The following VAV1 variants were observed in gnomAD, a reference collection of about 807,000 sequenced individuals.
VAV1 encodes vav guanine nucleotide exchange factor 1.
VAV1 carries 33 observed loss-of-function variants against 128.1 expected under a neutral mutation model. That is an observed-to-expected ratio of 0.26 (90% CI 0.20 to 0.34). VAV1 has a LOEUF of 0.34. Ranked by LOEUF, VAV1 falls within the 10% of genes least tolerant of loss-of-function variation. The pLI is 1.00. For synonymous variants in VAV1, 394 were observed against 409.8 expected, an observed-to-expected ratio of 0.96 and a Z score of 0.47; for missense variants, 715 against 1,093.7, an observed-to-expected ratio of 0.65 and a Z score of 4.88.
chr19:6,832,608 T>TTCCTCCTCCACCTCTTCTTCC (rs1972104962), intron 15 of VAV1, among the ~76,000 whole-genome samples: 1 of 93,142 alleles, frequency 1.1e-5, no homozygotes, highest in Non-Finnish European at 2.1e-5. Context: ...CTTCCTCCTA[T>TTCCTCCTCCACCTCTTCTTCC]TCCTCCTCCA....
chr19:6,834,063 G>A lies in VAV1; in HGVS notation c.1777+110G>A. 5.4e-6 allele frequency: 8 copies of A among 1,484,108 alleles called. 1 individual carries two copies. The South Asian group carries it at 8.1e-5, about 15-fold the overall frequency. 91.9% of individuals were successfully genotyped at this position (1,484,108 alleles called of 1,614,324 possible). ...TATTAACAGCCACATTGGGCCGGGT[G>A]CAATAGCTCACACCTGTAATCCCAA... On this transcript the variant is annotated intron_variant, in intron 19 of 26. Coordinates refer to ENST00000602142, the MANE Select transcript of VAV1 (RefSeq NM_005428.4).
At chr19:6,819,111 A>G (rs538367398) in intron 1 of VAV1, among the ~76,000 whole-genome samples, 2 of 152,212 alleles carry the variant, frequency 1.3e-5, no homozygotes, top group South Asian at 2.1e-4. Flanking sequence ...GTGAGACTCC[A>G]TCCCCCTCAA....
chr19:6,849,192 A>G (rs558168294), intron 23 of VAV1, among the ~76,000 whole-genome samples: 1 of 150,836 alleles, frequency 6.6e-6, no homozygotes, highest in Non-Finnish European at 1.5e-5. Context: ...AATGATCCCA[A>G]CACCCAGGGA....
rs1308200992 is a variant in VAV1 at position 6,850,628 on chromosome 19, C to A, written c.2130-42C>A. 1.0e-5 allele frequency: 16 copies of A among 1,595,360 alleles called. 2 individuals are homozygous for A. The Middle Eastern group carries it at 1.7e-3, about 166-fold the overall frequency. On this transcript the variant is annotated intron_variant, in intron 23 of 26. Coordinates refer to ENST00000602142, the MANE Select transcript of VAV1 (RefSeq NM_005428.4). ...TAACTGGGGCTTGGTGGGGAATGGG[C>A]CTGGTCCCCAGACTCAGGGCCCGGT...
intron 8 of VAV1, among the ~76,000 whole-genome samples, chr19:6,825,801 G>A (rs1253453264): frequency 6.6e-6 from 1 of 152,204 alleles, no homozygotes; most frequent in East Asian, 1.9e-4. Flanking sequence ...GAGGCGGGTG[G>A]ATCATTTAAG....
At chr19:6,855,845 C>CTAT (rs1374036491) in intron 26 of VAV1, among the ~76,000 whole-genome samples, 15 of 143,726 alleles carry the variant, frequency 1.0e-4, no homozygotes, top group African/African-American at 4.0e-4. Context: ...ATCTATCTAT[C>CTAT]CATTCATTAT....
chr19:6,825,481 C>T, intron 8 of VAV1, 75 bp downstream of exon 8: 3 of 1,274,870 alleles, frequency 2.4e-6, no homozygotes, highest in Admixed American at 4.0e-5. Flanking sequence ...AGAGACCTTA[C>T]CCTCAGACAC....
intron 1 of VAV1, among the ~76,000 whole-genome samples, chr19:6,801,484 G>A (rs2144731562): frequency 6.6e-6 from 1 of 152,220 alleles, no homozygotes; most frequent in African/African-American, 2.4e-5. Context: ...TTGAGGGCTA[G>A]GATGAGGCGT....
intron 1 of VAV1, among the ~76,000 whole-genome samples, chr19:6,815,164 T>TA (rs1488108893): frequency 6.6e-6 from 1 of 152,164 alleles, no homozygotes; most frequent in Non-Finnish European, 1.5e-5. Context: ...TTTATTTATT[T>TA]TGAGACAGGG....
chr19:6,784,222 A>G (rs1165634002), intron 1 of VAV1: 3 of 655,382 alleles, frequency 4.6e-6, no homozygotes, highest in Middle Eastern at 4.8e-4. Context: ...CTACCACTGT[A>G]CTCCAGACTG....
intron 1 of VAV1, among the ~76,000 whole-genome samples, chr19:6,803,613 A>G (rs12232828): frequency 0.025 from 3,748 of 152,206 alleles, 130 homozygotes; most frequent in African/African-American, 0.079. Flanking sequence ...TGTCCAGGCT[A>G]GAGTGCAATG....
chr19:6,804,809 T>G lies in VAV1; in HGVS notation c.205-15893T>G, dbSNP rs575840986. 2.0e-5 allele frequency among the ~76,000 whole-genome samples: 3 copies of G among 151,126 alleles called. No homozygotes were observed. The Admixed American group carries it at 2.0e-4, about 10-fold the overall frequency. ...CGCAATCTTGGCTCACTGCAAGCTC[T>G]GCCTCCCACGTTCACGCCATTCTCC... On this transcript the variant is annotated intron_variant, in intron 1 of 26. Coordinates refer to ENST00000602142, the MANE Select transcript of VAV1 (RefSeq NM_005428.4).
intron 1 of VAV1, among the ~76,000 whole-genome samples, chr19:6,805,351 G>A (rs995211085): frequency 6.6e-6 from 1 of 151,982 alleles, no homozygotes; most frequent in African/African-American, 2.4e-5. Flanking sequence ...CTTGAACCCG[G>A]GAGGTGGAGG....
chr19:6,835,014 A>G (rs1421105673), intron 19 of VAV1, among the ~76,000 whole-genome samples: 2 of 151,908 alleles, frequency 1.3e-5, no homozygotes, highest in Non-Finnish European at 2.9e-5. Flanking sequence ...CTGCACGCCA[A>G]CCTGGGCAAC....
intron 19 of VAV1, among the ~76,000 whole-genome samples, chr19:6,835,574 C>T (rs1300727284): frequency 6.6e-6 from 1 of 152,176 alleles, no homozygotes; most frequent in Non-Finnish European, 1.5e-5. Context: ...TGTCTGACCT[C>T]TATCACCATA....
chr19:6,804,563 C>T (rs544453747), intron 1 of VAV1, among the ~76,000 whole-genome samples: 30 of 151,732 alleles, frequency 2.0e-4, no homozygotes, highest in South Asian at 4.2e-4. Context: ...ATTACAGGCG[C>T]GTGCCACCAC....
intron 21 of VAV1, among the ~76,000 whole-genome samples, chr19:6,837,820 C>T (rs746741669): frequency 1.3e-5 from 2 of 152,088 alleles, no homozygotes; most frequent in African/African-American, 2.4e-5. Flanking sequence ...CCCCTAAATA[C>T]TTCTTAAGAG....
Position 6,777,945 on chromosome 19 carries a change from C to T in VAV1, c.204+4934C>T, listed in dbSNP as rs940319195. On this transcript the variant is annotated intron_variant, in intron 1 of 26. Coordinates refer to ENST00000602142, the MANE Select transcript of VAV1 (RefSeq NM_005428.4). This position sits in a 1 kb window ranked among gnomAD's most constrained non-coding sequence, Gnocchi z 4.4. ...CCTCCTGAGTATCTGGGATTACAGGCGCCTGCCACCACGCCTGGCTAATTT... is the reference window on the plus strand; with the variant it reads ...CCTCCTGAGTATCTGGGATTACAGGTGCCTGCCACCACGCCTGGCTAATTT... 5.3e-5 allele frequency among the ~76,000 whole-genome samples: 8 copies of T among 151,944 alleles called. No individual in the cohort carries two copies. Among genetic ancestry groups the T allele is most frequent in the African/African-American group, 1.5e-4 (6 of 41,360 alleles).
rs377591945 is a variant in VAV1, at chr19:6,857,155, G to A, written c.*48G>A. ...ACGAGAAACTCCAGGCTCTGAGCCC[G>A]GCGTGGGCAGGCAGCGGAGCCAGGG... On this transcript the variant is annotated 3_prime_UTR_variant, in exon 27 of 27. Coordinates refer to ENST00000602142, the MANE Select transcript of VAV1 (RefSeq NM_005428.4). 4.7e-5 allele frequency: 76 copies of A among 1,611,888 alleles called. No homozygotes were observed. The highest frequency in any genetic ancestry group is 1.2e-4 in the African/African-American group (9 of 74,900).
Sources: gnomAD v4.1 joint callset for allele counts (sites outside exome capture counted in the v4.1 genomes callset) on GRCh38, gnomAD v4.1.1 for gene constraint, Gnocchi (gnomAD v3.1) non-coding constraint, MANE v1.5 for transcripts, NCBI Gene and HGNC (gene_info 2026-07-23, HGNC 2026-07-21) for gene names.